Variants in ASTN2 observed in about 807,000 individuals in gnomAD.
ASTN2 encodes astrotactin 2.
A neutral mutation model predicts 139.8 loss-of-function variants in ASTN2; 54 were observed. That is an observed-to-expected ratio of 0.39 (90% CI 0.31 to 0.48). The LOEUF is 0.48. Ranked by LOEUF, ASTN2 falls within the 20% of genes least tolerant of loss-of-function variation. The pLI is 0.95. For missense variants in ASTN2, 1,565 were observed against 1,725.1 expected (o/e 0.91, Z 1.64); for synonymous variants, 756 against 719.5 (o/e 1.05, Z -0.81).
chr9:117,409,585 C>T (rs888680122), intron 1 of ASTN2, among the ~76,000 whole-genome samples: 21 of 152,190 alleles, frequency 1.4e-4, no homozygotes, highest in African/African-American at 3.9e-4. Context: ...TCAAGACATT[C>T]GTTAGAATCA....
intron 3 of ASTN2, among the ~76,000 whole-genome samples, chr9:117,203,766 C>G (rs753124798): frequency 6.6e-6 from 1 of 152,148 alleles, no homozygotes; most frequent in Non-Finnish European, 1.5e-5. Context: ...GAGGCACCAA[C>G]CTGATGCCAG....
intron 3 of ASTN2, among the ~76,000 whole-genome samples, chr9:117,211,503 C>G (rs970447598): frequency 6.6e-6 from 1 of 152,148 alleles, no homozygotes; most frequent in Non-Finnish European, 1.5e-5. Flanking sequence ...CCTGCTGTGC[C>G]ATGTGAAGAA....
chr9:116,640,864 A>T (rs1857292947), intron 17 of ASTN2, among the ~76,000 whole-genome samples: 1 of 152,254 alleles, frequency 6.6e-6, no homozygotes, highest in Non-Finnish European at 1.5e-5. Flanking sequence ...CTATTGAAAT[A>T]GTACAGGCAA....
At chr9:116,587,460 C>T (rs1854205275) in intron 19 of ASTN2, among the ~76,000 whole-genome samples, 1 of 151,856 alleles carries the variant, frequency 6.6e-6, no homozygotes, top group Non-Finnish European at 1.5e-5. Context: ...GGTATGGACT[C>T]AGGGTTAGAC....
chr9:116,675,973 T>C (rs956817682), intron 16 of ASTN2, among the ~76,000 whole-genome samples: 1 of 152,208 alleles, frequency 6.6e-6, no homozygotes, highest in Non-Finnish European at 1.5e-5. Flanking sequence ...ATGTGTATTT[T>C]GCTGGGATGA....
At chr9:117,253,358 T>C (rs1833590908) in intron 2 of ASTN2, among the ~76,000 whole-genome samples, 1 of 152,188 alleles carries the variant, frequency 6.6e-6, no homozygotes, top group African/African-American at 2.4e-5. Context: ...CAATGCCCTC[T>C]GGAATGCCCT....
intron 17 of ASTN2, among the ~76,000 whole-genome samples, chr9:116,626,532 A>G (rs573519050): frequency 3.9e-5 from 6 of 152,092 alleles, no homozygotes; most frequent in Non-Finnish European, 7.4e-5. Context: ...TCACCATAAA[A>G]AGCCTAAATT....
At chr9:116,594,513 T>C (rs555398724) in intron 19 of ASTN2, among the ~76,000 whole-genome samples, 1 of 152,338 alleles carries the variant, frequency 6.6e-6, no homozygotes, top group South Asian at 2.1e-4. Context: ...TTATCAAGAC[T>C]GTCCACGTAG....
intron 19 of ASTN2, among the ~76,000 whole-genome samples, chr9:116,513,032 A>G (rs968217339): frequency 3.3e-5 from 5 of 152,132 alleles, no homozygotes; most frequent in African/African-American, 1.2e-4. Flanking sequence ...TGTGAGTTTG[A>G]TCCTGTCATT....
At chr9:117,311,793 C>T (rs778551572) in intron 1 of ASTN2, among the ~76,000 whole-genome samples, 1 of 152,144 alleles carries the variant, frequency 6.6e-6, no homozygotes, top group South Asian at 2.1e-4. Flanking sequence ...TAGAATAGTA[C>T]GTGGCCCACA....
chr9:117,083,132 T>C (rs1177623339), intron 5 of ASTN2, among the ~76,000 whole-genome samples: 1 of 152,196 alleles, frequency 6.6e-6, no homozygotes, highest in Non-Finnish European at 1.5e-5. Flanking sequence ...ATCCATCCTA[T>C]TGGTCTATTT....
chr9:117,295,280 C>T (rs1325958245), intron 1 of ASTN2, among the ~76,000 whole-genome samples: 1 of 152,126 alleles, frequency 6.6e-6, no homozygotes, highest in African/African-American at 2.4e-5. Context: ...CAAGATTGCG[C>T]CACTGCACTC....
intron 5 of ASTN2, among the ~76,000 whole-genome samples, chr9:117,045,691 C>A (rs1422547772): frequency 1.3e-5 from 2 of 152,096 alleles, no homozygotes; most frequent in African/African-American, 4.8e-5. Context: ...GGAATTGAAT[C>A]AATCACATTT....
chr9:116,972,546 A>C (rs926071567), intron 10 of ASTN2, among the ~76,000 whole-genome samples: 2 of 152,138 alleles, frequency 1.3e-5, no homozygotes, highest in Admixed American at 1.3e-4. Context: ...TATACCTCCA[A>C]CTTTAGTACA....
intron 1 of ASTN2, among the ~76,000 whole-genome samples, chr9:117,405,587 G>A (rs945936318): frequency 2.0e-5 from 3 of 152,082 alleles, no homozygotes; most frequent in Non-Finnish European, 4.4e-5. Flanking sequence ...TCCCTAAGAT[G>A]GAAGGAAAAC....
At chr9:116,552,816 T>C (rs4836750) in intron 19 of ASTN2, among the ~76,000 whole-genome samples, 88,613 of 152,194 alleles carry the variant, frequency 0.58, 26,242 homozygotes, top group African/African-American at 0.68. Flanking sequence ...CACTCTGATC[T>C]AAGCTGCATG....
At chr9:117,090,668 C>T (rs1828683822) in intron 5 of ASTN2, among the ~76,000 whole-genome samples, 2 of 152,182 alleles carry the variant, frequency 1.3e-5, no homozygotes, top group Non-Finnish European at 2.9e-5. Context: ...CCACTGGGTG[C>T]TTACTCTGTG....
At chr9:116,981,747 G>A (rs1836518010) in intron 7 of ASTN2, among the ~76,000 whole-genome samples, 1 of 152,114 alleles carries the variant, frequency 6.6e-6, no homozygotes, top group African/African-American at 2.4e-5. Context: ...TTGACAAACA[G>A]GTATTATTTA....
chr9:116,692,088 TTTG>T (rs1462824697), intron 16 of ASTN2, among the ~76,000 whole-genome samples: 1 of 152,218 alleles, frequency 6.6e-6, no homozygotes, highest in African/African-American at 2.4e-5. Flanking sequence ...AAAGATTTGT[TTTG>T]TTAATTGCTT....
Sources: gnomAD v4.1 joint callset for allele counts (sites outside exome capture counted in the v4.1 genomes callset) on GRCh38, gnomAD v4.1.1 for gene constraint, MANE v1.5 for transcripts, NCBI Gene and HGNC (gene_info 2026-07-23, HGNC 2026-07-21) for gene names.